Variants in ZNF202 observed in about 807,000 individuals in gnomAD.
ZNF202 encodes zinc finger protein with KRAB and SCAN domains 10.
In ZNF202, 22 loss-of-function variants were observed where a neutral mutation model predicts 54.5. That is an observed-to-expected ratio of 0.40 (90% CI 0.29 to 0.58). ZNF202 has a LOEUF of 0.58. Ranked by LOEUF, ZNF202 falls within the 20% of genes least tolerant of loss-of-function variation. The pLI is 0.39. For missense variants in ZNF202, 644 were observed against 805.5 expected (o/e 0.80, Z 2.43); for synonymous variants, 294 against 301.4 (o/e 0.98, Z 0.26).
At chr11:123,736,871 T>C (rs954564419) in intron 3 of ZNF202, among the ~76,000 whole-genome samples, 2 of 152,076 alleles carry the variant, frequency 1.3e-5, no homozygotes, top group Non-Finnish European at 2.9e-5. Context: ...ATAGGGTAGG[T>C]GCTCAATATA....
At position 123,729,053 on chromosome 11, in the gene ZNF202, C is replaced by T. The variant is rs976249465; in HGVS notation, c.702+73G>A. ...GAGTGTAAATGTGCATCCTGCTTCA[C>T]CTGTTTAGTATGGCTTATGCCCAGT... On this transcript the variant is annotated intron_variant, in intron 6 of 8. Transcript: ENST00000530393. 6.8e-6 allele frequency: 10 copies of T among 1,476,338 alleles called. No individual in the cohort carries two copies. In the African/African-American group the frequency reaches 1.4e-4, roughly 20 times the overall value. 91.5% of individuals were successfully genotyped at this position (1,476,338 alleles called of 1,614,324 possible).
intron 8 of ZNF202, 32 bp downstream of exon 8, chr11:123,727,444 G>A (rs1346561343): frequency 1.2e-6 from 2 of 1,612,258 alleles, no homozygotes; most frequent in East Asian, 4.5e-5. Flanking sequence ...TGCTGGCTCA[G>A]GGTGGGTAAC....
Position 123,730,255 on chromosome 11 carries a change from C to A in ZNF202, c.402+232G>T, listed in dbSNP as rs752740415. Among the ~76,000 whole-genome samples the A allele has an allele frequency of 2.6e-5, 4 of 152,150 alleles. No individual in the cohort carries two copies. Among genetic ancestry groups the A allele is most frequent in the African/African-American group, 9.7e-5 (4 of 41,444 alleles). ...AAAGAAGGGAAAACCAAAGCCATGA[C>A]CCTTTGGTGGCTGAGACCCCTCAGA... On this transcript the variant is annotated intron_variant, in intron 4 of 8. Transcript: ENST00000530393. The surrounding 1 kb of genome is among the most constrained non-coding windows in gnomAD (Gnocchi z 6.0).
In ZNF202 at chr11:123,725,681, C is replaced by T. The variant is rs547025721; in HGVS notation, c.*316G>A. 66 of 264,094 alleles carry T rather than the reference C, an allele frequency of 2.5e-4. No homozygotes were observed. The highest frequency in any genetic ancestry group is 1.0e-3 in the Admixed American group (22 of 21,142). 16.4% of individuals were successfully genotyped at this position (264,094 alleles called of 1,614,324 possible). A position where few individuals can be genotyped will look rare whatever the true frequency, so the allele number is the denominator to read the frequency against. On this transcript the variant is annotated 3_prime_UTR_variant, in exon 9 of 9. Coordinates refer to ENST00000530393, the MANE Select transcript of ZNF202 (RefSeq NM_003455.4). ...GATATGTAACAGCCTATTTTTTGGA[C>T]GATATAGGAACCACGACCTCTTAAG...
Position 123,724,302 on chromosome 11 carries a change from A to T in ZNF202, c.*1695T>A, listed in dbSNP as rs944253510. On this transcript the variant is annotated 3_prime_UTR_variant, in exon 9 of 9. Transcript: ENST00000530393. ...TATCAGGACACTGAAGCCCTGGAAA[A>T]GGAATGGGTAAGATGGGAAGTCCCA... 6.6e-6 allele frequency: 1 copy of T among 152,258 alleles called. No individual in the cohort carries two copies. Among genetic ancestry groups the T allele is most frequent in the African/African-American group, 2.4e-5 (1 of 41,462 alleles). 9.4% of individuals were successfully genotyped at this position (152,258 alleles called of 1,614,324 possible). A position where few individuals can be genotyped will look rare whatever the true frequency, so the allele number is the denominator to read the frequency against.
chr11:123,726,699 G>C lies in ZNF202; in HGVS notation c.1245C>G (p.His415Gln). The C allele has an allele frequency of 1.2e-6, 2 of 1,614,188 alleles. No homozygotes were observed. Among genetic ancestry groups the C allele is most frequent in the Non-Finnish European group, 1.7e-6 (2 of 1,180,044 alleles). Residue 415 changes from histidine (H) to glutamine (Q), a missense_variant, in exon 9 of 9, where the codon CAC (histidine) becomes CAG (glutamine). By Grantham distance (24) the His-to-Gln change is conservative. Transcript: ENST00000530393. This position sits in a 1 kb window ranked among gnomAD's most constrained non-coding sequence, Gnocchi z 6.0. ...SFTCNSHLVR[H>Q]LRTHTGEKPY... ...GTTTCTCTCCTGTGTGAGTCCTCAG[G>C]TGTCTAACAAGGTGGGAGTTACAAG...
chr11:123,739,254 C>T (rs1017017958), intron 3 of ZNF202, among the ~76,000 whole-genome samples: 8 of 152,158 alleles, frequency 5.3e-5, no homozygotes, highest in African/African-American at 1.4e-4. Context: ...TGGGGGTAAT[C>T]AAGTGGCATA....
At chr11:123,736,384 T>C (rs1404550757) in intron 3 of ZNF202, among the ~76,000 whole-genome samples, 1 of 152,202 alleles carries the variant, frequency 6.6e-6, no homozygotes, top group Admixed American at 6.5e-5. Context: ...ATTTAGCAGA[T>C]ATTTATATCC....
Position 123,724,493 on chromosome 11 carries a change from C to T in ZNF202, c.*1504G>A, listed in dbSNP as rs1253461516. ...GCCATTAGGGTTGGAGTCTTATTAACCCTCCCCTATTCCTCGGGCCCATAA... is the reference window on the plus strand; with the variant it reads ...GCCATTAGGGTTGGAGTCTTATTAATCCTCCCCTATTCCTCGGGCCCATAA... On this transcript the variant is annotated 3_prime_UTR_variant, in exon 9 of 9. Transcript: ENST00000530393. The T allele has an allele frequency of 2.0e-5, 3 of 152,188 alleles. No individual in the cohort carries two copies. The highest frequency in any genetic ancestry group is 4.8e-5 in the African/African-American group (2 of 41,416). 9.4% of individuals were successfully genotyped at this position (152,188 alleles called of 1,614,324 possible).
At chr11:123,733,448 T>A (rs1345278910) in intron 3 of ZNF202, among the ~76,000 whole-genome samples, 2 of 152,212 alleles carry the variant, frequency 1.3e-5, no homozygotes, top group African/African-American at 2.4e-5. Flanking sequence ...GTAATTTTTT[T>A]ATTTTATGTC....
At position 123,726,183 on chromosome 11, in the gene ZNF202, G is replaced by A. The variant is rs948969811; in HGVS notation, c.1761C>T (p.His587=). Residue 587 remains histidine, a synonymous_variant, in exon 9 of 9, where the codon CAC becomes CAT. Coordinates refer to ENST00000530393, the MANE Select transcript of ZNF202 (RefSeq NM_003455.4). This position sits in a 1 kb window ranked among gnomAD's most constrained non-coding sequence, Gnocchi z 6.0. The stretch of plus-strand genomic sequence containing the variant: ...TGCATCGGCAGGGCCTCACTGAGGC[G>A]TGTCCTCTCAAGTGCTTGGCGAACG... ...SAAFAKHLRG[H]ASVRPCRCNE... is the part of the protein sequence containing the mutation. 61 of 1,614,080 alleles carry A rather than the reference G, an allele frequency of 3.8e-5. No homozygotes were observed. The highest frequency in any genetic ancestry group is 1.3e-4 in the Admixed American group (8 of 60,016).
chr11:123,726,882 C>T lies in ZNF202; in HGVS notation c.1062G>A (p.Trp354Ter), dbSNP rs756651030. ...GEPEIHQTPD[W>*]EIVFEDNPGR... ...CTGGATTGTCCTCAAAGACTATTTC[C>T]CAATCTGGAGTCTGGTGAATTTCTG... The change falls in exon 9 of 9, where the codon TGG becomes TGA. Residue 354 changes from tryptophan to a stop codon, truncating the protein, a stop_gained. Coordinates refer to ENST00000530393, the MANE Select transcript of ZNF202 (RefSeq NM_003455.4). LOFTEE classifies it high-confidence loss of function. The surrounding 1 kb of genome is among the most constrained non-coding windows in gnomAD (Gnocchi z 6.0). 1.2e-6 allele frequency: 2 copies of T among 1,614,172 alleles called. No homozygotes were observed. Among genetic ancestry groups the T allele is most frequent in the Non-Finnish European group, 1.7e-6 (2 of 1,180,028 alleles).
At position 123,730,891 on chromosome 11, in the gene ZNF202, C is replaced by A; in HGVS notation, c.-3G>T. 3 of 1,610,588 alleles carry A rather than the reference C, an allele frequency of 1.9e-6. No individual in the cohort carries two copies. The highest frequency in any genetic ancestry group is 2.5e-6 in the Non-Finnish European group (3 of 1,177,820). On this transcript the variant is annotated 5_prime_UTR_variant, in exon 4 of 9. Transcript: ENST00000530393. This position sits in a 1 kb window ranked among gnomAD's most constrained non-coding sequence, Gnocchi z 6.0. ...TCTGGTTCCACGGCTGTAGCCATTT[C>A]TTGGCTTTGGGGTGGTCTCACACCA...
chr11:123,731,273 G>C (rs1260528334), intron 3 of ZNF202, among the ~76,000 whole-genome samples: 1 of 152,118 alleles, frequency 6.6e-6, no homozygotes, highest in African/African-American at 2.4e-5. Flanking sequence ...CTCCAAACCG[G>C]TTCCCTTCTC....
chr11:123,729,753 G>A lies in ZNF202; in HGVS notation c.475C>T (p.Pro159Ser). 1.9e-6 allele frequency: 3 copies of A among 1,614,038 alleles called. No homozygotes were observed. The highest frequency in any genetic ancestry group is 2.2e-5 in the East Asian group (1 of 44,862). The change falls in exon 5 of 9, where the codon CCT becomes TCT. Residue 159 changes from proline to serine, a missense_variant. Pro to Ser is a moderately conservative substitution (Grantham distance 74). Around this residue, in one of 3 missense-constraint regions of ZNF202, gnomAD observed 536 missense variants for 635.3 expected, o/e 0.84. Transcript: ENST00000530393. The part of the protein sequence containing the change: ...TVHLGVEPES[P>S]NELQDPVQSS... ...TGCACAGGATCCTGCAGCTCATTAG[G>A]TGACTCAGGCTCCACTCCTAAATGC... is the stretch of plus-strand genomic sequence containing the variant.
chr11:123,738,622 TAGTC>T (rs1488763770), intron 3 of ZNF202: 1 of 152,220 alleles, frequency 6.6e-6, no homozygotes, highest in Non-Finnish European at 1.5e-5. Context: ...GCCAATCAGA[TAGTC>T]AGAGGAACCA....
rs1368986372 is a variant in ZNF202 at position 123,726,332 on chromosome 11, A to G, written c.1612T>C (p.Leu538=). ...QRIHLGGKPY[L]CGECGEDFSE... The stretch of plus-strand genomic sequence containing the variant: ...AAGTCCTCACCACACTCTCCACACA[A>G]GTAGGGTTTGCCTCCCAGGTGGATT... The change falls in exon 9 of 9, where the codon TTG becomes CTG. Residue 538 remains leucine, a synonymous_variant. Coordinates refer to ENST00000530393, the MANE Select transcript of ZNF202 (RefSeq NM_003455.4). The surrounding 1 kb of genome is among the most constrained non-coding windows in gnomAD (Gnocchi z 6.0). The G allele has an allele frequency of 6.8e-6, 11 of 1,614,214 alleles. No homozygotes were observed. The highest frequency in any genetic ancestry group is 9.3e-6 in the Non-Finnish European group (11 of 1,180,040).
At chr11:123,728,307 G>A in intron 6 of ZNF202, 45 bp from the exon 7 acceptor site, 1 of 1,566,360 alleles carries the variant, frequency 6.4e-7, no homozygotes, top group Non-Finnish European at 8.7e-7. Context: ...GCTACGGGTA[G>A]CCTCGTATTT....
At position 123,726,247 on chromosome 11, in the gene ZNF202, A is replaced by G. The variant is rs747735451; in HGVS notation, c.1697T>C (p.Leu566Pro). Residue 566 changes from leucine (L) to proline (P), a missense_variant, in exon 9 of 9, where the codon CTC becomes CCC. By Grantham distance (98) the Leu-to-Pro change is moderately conservative. Around this residue, in one of 3 missense-constraint regions of ZNF202, gnomAD observed 536 missense variants for 635.3 expected, o/e 0.84. Transcript: ENST00000530393. This position sits in a 1 kb window ranked among gnomAD's most constrained non-coding sequence, Gnocchi z 6.0. ...GAAGCAGCGCCCGCACTCGCTGCAG[A>G]GGTAGAGTTCCTCAGCAGCGTGCGT... ...RKTHAAEELY[L>P]CSECGRCFTH... 1.9e-6 allele frequency: 3 copies of G among 1,614,194 alleles called. No homozygotes were observed. Among genetic ancestry groups the G allele is most frequent in the Non-Finnish European group, 2.5e-6 (3 of 1,180,028 alleles).
Sources: allele counts gnomAD v4.1 joint callset (sites outside exome capture counted in the v4.1 genomes callset), GRCh38; gene constraint gnomAD v4.1.1; regional missense constraint gnomAD v4.1.1; non-coding constraint Gnocchi (gnomAD v3.1); transcripts MANE v1.5; gene names NCBI Gene and HGNC (gene_info 2026-07-23, HGNC 2026-07-21).